Variants in CNTNAP2 observed in about 807,000 individuals in gnomAD.
The protein encoded by CNTNAP2 is contactin associated protein 2, also known as contactin-associated protein-like 2.
In CNTNAP2, 98 loss-of-function variants were observed where a neutral mutation model predicts 155.2. The ratio of observed to expected loss-of-function variants is 0.63; its 90% confidence interval spans 0.54 to 0.75. The LOEUF (loss-of-function observed/expected upper bound fraction) is 0.75. Among genes scored for constraint, CNTNAP2 ranks in the 30% least tolerant of loss-of-function variants. The probability of loss-of-function intolerance (pLI) is 0.00; values close to 1 mark genes in which losing one functional copy is unlikely to be tolerated. For synonymous variants in CNTNAP2, 651 were observed against 631.2 expected (o/e 1.03, Z -0.47); for missense variants, 1,727 against 1,688.1 (o/e 1.02, Z -0.40).
chr7:147,191,079 A>C (rs1802671702), intron 8 of CNTNAP2, among the ~76,000 whole-genome samples: 1 of 152,152 alleles, frequency 6.6e-6, no homozygotes, highest in African/African-American at 2.4e-5. Flanking sequence ...GGGGCTGTAA[A>C]ATGACTCACC....
chr7:147,551,122 T>C (rs1296160899), intron 11 of CNTNAP2, among the ~76,000 whole-genome samples: 1 of 152,220 alleles, frequency 6.6e-6, no homozygotes, highest in Admixed American at 6.5e-5. Context: ...CTTTCTTGTT[T>C]TCTTAAATTA....
intron 3 of CNTNAP2, among the ~76,000 whole-genome samples, chr7:146,899,858 TATG>T: frequency 6.6e-6 from 1 of 152,190 alleles, no homozygotes; most frequent in East Asian, 1.9e-4. Context: ...GACAGTGCAT[TATG>T]ATAAGAGCAA....
intron 1 of CNTNAP2, among the ~76,000 whole-genome samples, chr7:146,426,210 A>AAAAAAAG (rs1796086835): frequency 3.5e-5 from 5 of 144,322 alleles, no homozygotes; most frequent in Non-Finnish European, 7.5e-5. Flanking sequence ...AAAAAAAAAA[A>AAAAAAAG]TTAAAACTTA....
intron 14 of CNTNAP2, among the ~76,000 whole-genome samples, chr7:147,971,584 A>ATAAGGTT (rs1294100142): frequency 6.6e-6 from 1 of 152,140 alleles, no homozygotes; most frequent in Non-Finnish European, 1.5e-5. Context: ...TTCACTTAGC[A>ATAAGGTT]TAAGGTTTTT....
At chr7:147,147,808 G>A (rs1311213053) in intron 8 of CNTNAP2, among the ~76,000 whole-genome samples, 2 of 151,572 alleles carry the variant, frequency 1.3e-5, no homozygotes, top group Admixed American at 6.6e-5. Context: ...CTCTTTGATC[G>A]CTACAAAAAA....
Position 148,301,306 on chromosome 7 carries a change from A to AAAAATATATATAT in CNTNAP2, c.3475+34181_3475+34182insAAATATATATATA. Among the ~76,000 whole-genome samples, 7 of 103,868 alleles carry AAAAATATATATAT rather than the reference A, an allele frequency of 6.7e-5. 1 individual carries two copies. Among genetic ancestry groups the AAAAATATATATAT allele is most frequent in the African/African-American group, 1.9e-4 (5 of 26,528 alleles). The allele number at this position is 103,868 out of a possible 152,430, so 68.1% of individuals were successfully genotyped here. A position where few individuals can be genotyped will look rare whatever the true frequency, so the allele number is the denominator to read the frequency against. On this transcript the variant is annotated intron_variant, in intron 21 of 23. Coordinates refer to ENST00000361727, the MANE Select transcript of CNTNAP2 (RefSeq NM_014141.6). Reference sequence around the variant, plus strand: ...GAGACTCCGTCTAAAAAAAAAAAAAAATATATATATATATATAGGTTAAAA... The same window carrying AAAAATATATATAT: ...GAGACTCCGTCTAAAAAAAAAAAAAAAAAATATATATATATATATATATATATATAGGTTAAAA...
At chr7:146,340,574 A>C (rs1402673145) in intron 1 of CNTNAP2, among the ~76,000 whole-genome samples, 1 of 152,148 alleles carries the variant, frequency 6.6e-6, no homozygotes, top group Non-Finnish European at 1.5e-5. Context: ...TATTTATCTC[A>C]AATTCAAATT....
intron 1 of CNTNAP2, among the ~76,000 whole-genome samples, chr7:146,711,106 G>GCA (rs910179732): frequency 1.1e-4 from 16 of 149,676 alleles, no homozygotes; most frequent in East Asian, 1.0e-3. Flanking sequence ...TCCTGTATAT[G>GCA]CACACACACA....
At chr7:147,712,022 T>C (rs906319555) in intron 13 of CNTNAP2, among the ~76,000 whole-genome samples, 8 of 152,182 alleles carry the variant, frequency 5.3e-5, no homozygotes, top group African/African-American at 1.2e-4. Context: ...CTTTCTCAAA[T>C]CAATTTCTCA....
intron 1 of CNTNAP2, among the ~76,000 whole-genome samples, chr7:146,560,223 A>G (rs562199911): frequency 6.6e-6 from 1 of 152,086 alleles, no homozygotes; most frequent in Non-Finnish European, 1.5e-5. Flanking sequence ...AAGTGTGTTA[A>G]ATAAGTGTCC....
chr7:148,170,083 T>A (rs984757267), intron 17 of CNTNAP2, among the ~76,000 whole-genome samples: 1 of 152,256 alleles, frequency 6.6e-6, no homozygotes, highest in African/African-American at 2.4e-5. Context: ...TGAAAAAGGC[T>A]GTTCCCTAAA....
At chr7:148,346,713 A>C (rs1417343036) in intron 21 of CNTNAP2, among the ~76,000 whole-genome samples, 1 of 151,808 alleles carries the variant, frequency 6.6e-6, no homozygotes, top group Non-Finnish European at 1.5e-5. Flanking sequence ...CGGAGGTTGC[A>C]GTTAGCCAAG....
chr7:148,410,338 G>A (rs984269961), intron 23 of CNTNAP2, among the ~76,000 whole-genome samples: 2 of 152,118 alleles, frequency 1.3e-5, no homozygotes, highest in African/African-American at 4.8e-5. Context: ...GGGAGGCCGA[G>A]GCAGGTGGAT....
chr7:147,883,975 A>G (rs1191036361), intron 13 of CNTNAP2, among the ~76,000 whole-genome samples: 1 of 152,228 alleles, frequency 6.6e-6, no homozygotes, highest in Non-Finnish European at 1.5e-5. Flanking sequence ...GGATAAATGC[A>G]AATAGATAAA....
intron 2 of CNTNAP2, among the ~76,000 whole-genome samples, chr7:146,800,666 G>A (rs1266012620): frequency 1.3e-5 from 2 of 152,186 alleles, no homozygotes; most frequent in East Asian, 3.8e-4. Context: ...GCCTTATTTA[G>A]TTGACAGGGG....
chr7:147,499,067 A>G (rs1381639043), intron 11 of CNTNAP2, among the ~76,000 whole-genome samples: 1 of 152,206 alleles, frequency 6.6e-6, no homozygotes, highest in African/African-American at 2.4e-5. Context: ...TAAATGAGGA[A>G]GCCCAGTGGA....
intron 8 of CNTNAP2, among the ~76,000 whole-genome samples, chr7:147,144,120 T>A (rs1001355590): frequency 1.3e-5 from 2 of 152,174 alleles, no homozygotes; most frequent in Non-Finnish European, 2.9e-5. Context: ...ACTGTCCCTT[T>A]ATTGTGGGAG....
intron 1 of CNTNAP2, among the ~76,000 whole-genome samples, chr7:146,616,637 C>T (rs1799229262): frequency 6.6e-6 from 1 of 152,174 alleles, no homozygotes; most frequent in African/African-American, 2.4e-5. Context: ...TAATGATCAG[C>T]TAGTATCTGC....
chr7:146,725,163 A>G (rs1236124843), intron 1 of CNTNAP2, among the ~76,000 whole-genome samples: 1 of 150,584 alleles, frequency 6.6e-6, no homozygotes, highest in Admixed American at 6.6e-5. Flanking sequence ...CATTGTGTAT[A>G]TCTGTGTCTC....
Sources: gnomAD v4.1 joint callset for allele counts (sites outside exome capture counted in the v4.1 genomes callset) on GRCh38, gnomAD v4.1.1 for gene constraint, MANE v1.5 for transcripts, NCBI Gene and HGNC (gene_info 2026-07-23, HGNC 2026-07-21) for gene names.